Variants in PPP1R9A observed in about 807,000 individuals in gnomAD.
PPP1R9A encodes the protein neurabin-1.
Under a neutral mutation model 141.9 loss-of-function variants are expected in PPP1R9A, and 59 were observed. The observed-to-expected ratio is 0.42, with a 90% CI of 0.34 to 0.52. The LOEUF is 0.52. PPP1R9A is among the 20% of genes least tolerant of loss of function. The pLI is 0.10. For missense variants in PPP1R9A, 1,444 were observed against 1,611.9 expected, an observed-to-expected ratio of 0.90 and a Z score of 1.78; for synonymous variants, 500 against 569.7, an observed-to-expected ratio of 0.88 and a Z score of 1.74.
intron 2 of PPP1R9A, among the ~76,000 whole-genome samples, chr7:94,952,064 C>T (rs1233836641): frequency 3.9e-5 from 6 of 151,990 alleles, no homozygotes; most frequent in Non-Finnish European, 7.4e-5. Flanking sequence ...CCCATCAACC[C>T]GTCACCTACA....
intron 2 of PPP1R9A, among the ~76,000 whole-genome samples, chr7:95,038,437 A>T (rs911745954): frequency 4.6e-5 from 7 of 152,262 alleles, no homozygotes; most frequent in African/African-American, 1.7e-4. Context: ...CCTATAAGGA[A>T]CCCCACCAGT....
At chr7:94,938,323 C>T (rs1238169815) in intron 2 of PPP1R9A, among the ~76,000 whole-genome samples, 3 of 152,082 alleles carry the variant, frequency 2.0e-5, no homozygotes, top group Non-Finnish European at 4.4e-5. Flanking sequence ...TTCCATGAAA[C>T]CGGTCCCTTA....
intron 2 of PPP1R9A, among the ~76,000 whole-genome samples, chr7:94,994,074 C>T (rs566956706): frequency 9.2e-5 from 14 of 152,040 alleles, no homozygotes; most frequent in African/African-American, 3.1e-4. Context: ...TTATCTGACA[C>T]AAGAGCCCTC....
intron 3 of PPP1R9A, among the ~76,000 whole-genome samples, chr7:95,116,722 G>A (rs1446521599): frequency 6.6e-6 from 1 of 152,074 alleles, no homozygotes; most frequent in African/African-American, 2.4e-5. Flanking sequence ...ACAGACTTAA[G>A]TATGAAAAGG....
At chr7:95,146,249 G>A (rs1020856534) in intron 4 of PPP1R9A, among the ~76,000 whole-genome samples, 3 of 152,088 alleles carry the variant, frequency 2.0e-5, no homozygotes, top group Admixed American at 1.3e-4. Flanking sequence ...TCTAATGACC[G>A]GTGATGATGA....
Position 95,270,240 on chromosome 7 carries a change from C to T in PPP1R9A, c.3124+733C>T, listed in dbSNP as rs183469905. ...TGGTCTAGAAGTATATTTTCTTATA[C>T]TCAAAATTGCTGGATAAACTCTGAA... On this transcript the variant is annotated intron_variant, in intron 14 of 19. Coordinates refer to ENST00000433360, the MANE Select transcript of PPP1R9A (RefSeq NM_001166160.2). 2.2e-4 allele frequency among the ~76,000 whole-genome samples: 33 copies of T among 152,220 alleles called. No individual in the cohort carries two copies. In the East Asian group the frequency reaches 5.8e-3, roughly 27 times the overall value.
At chr7:95,105,901 T>C (rs1045148735) in intron 2 of PPP1R9A, among the ~76,000 whole-genome samples, 3 of 152,090 alleles carry the variant, frequency 2.0e-5, no homozygotes, top group Admixed American at 6.6e-5. Context: ...ACTAAGTCAG[T>C]TATGCAGATT....
At chr7:95,289,130 T>A (rs1805904544) in intron 19 of PPP1R9A, among the ~76,000 whole-genome samples, 1 of 152,142 alleles carries the variant, frequency 6.6e-6, no homozygotes, top group Non-Finnish European at 1.5e-5. Flanking sequence ...TACACACCAC[T>A]CCCAAACTGG....
At chr7:95,206,376 T>C (rs979938782) in intron 7 of PPP1R9A, among the ~76,000 whole-genome samples, 1 of 152,156 alleles carries the variant, frequency 6.6e-6, no homozygotes, top group African/African-American at 2.4e-5. Flanking sequence ...TGAGATAAAT[T>C]TGACATAGAG....
At chr7:95,154,665 C>T (rs1829294698) in intron 4 of PPP1R9A, 1 of 151,986 alleles carries the variant, frequency 6.6e-6, no homozygotes, top group African/African-American at 2.4e-5. Flanking sequence ...TATTAATACT[C>T]TTCTTAGGAA....
intron 2 of PPP1R9A, among the ~76,000 whole-genome samples, chr7:95,046,577 C>T (rs940678198): frequency 6.6e-6 from 1 of 152,098 alleles, no homozygotes; most frequent in African/African-American, 2.4e-5. Flanking sequence ...TCTTAATATG[C>T]ACATTTTCTA....
intron 5 of PPP1R9A, among the ~76,000 whole-genome samples, chr7:95,166,148 CAA>C (rs201112181): frequency 0.021 from 2,194 of 104,402 alleles, 25 homozygotes; most frequent in South Asian, 0.068. Context: ...AACTCCATTT[CAA>C]AAAAAAAAAA....
chr7:94,964,089 G>A (rs1241296203), intron 2 of PPP1R9A, among the ~76,000 whole-genome samples: 1 of 152,172 alleles, frequency 6.6e-6, no homozygotes, highest in Non-Finnish European at 1.5e-5. Flanking sequence ...GAAGTCAGGT[G>A]TGGAATTTTC....
At chr7:94,963,801 G>C (rs1252795514) in intron 2 of PPP1R9A, among the ~76,000 whole-genome samples, 1 of 152,140 alleles carries the variant, frequency 6.6e-6, no homozygotes, top group South Asian at 2.1e-4. Context: ...ACACCAGATA[G>C]TAGAGAATAA....
intron 5 of PPP1R9A, among the ~76,000 whole-genome samples, chr7:95,178,618 A>C (rs1833244738): frequency 6.6e-6 from 1 of 152,172 alleles, no homozygotes; most frequent in Non-Finnish European, 1.5e-5. Flanking sequence ...AATAAAATTG[A>C]TAGACCATTA....
intron 2 of PPP1R9A, among the ~76,000 whole-genome samples, chr7:94,931,023 A>AT (rs1173887306): frequency 2.0e-5 from 3 of 152,166 alleles, no homozygotes; most frequent in Admixed American, 2.0e-4. Context: ...CTGTAGAATG[A>AT]TTTTGCCTGG....
At chr7:95,188,731 T>C (rs927338767) in intron 5 of PPP1R9A, among the ~76,000 whole-genome samples, 5 of 151,966 alleles carry the variant, frequency 3.3e-5, no homozygotes, top group Admixed American at 6.6e-5. Context: ...CCTGAGTAGC[T>C]GGGATTACAG....
intron 1 of PPP1R9A, chr7:94,908,417 G>C (rs1584147007): frequency 6.6e-6 from 1 of 152,174 alleles, no homozygotes; most frequent in African/African-American, 2.4e-5. Context: ...GTCACAGTGG[G>C]ATCCGCCTGG....
chr7:95,005,793 A>G (rs1803510603), intron 2 of PPP1R9A, among the ~76,000 whole-genome samples: 1 of 152,190 alleles, frequency 6.6e-6, no homozygotes, highest in Admixed American at 6.5e-5. Flanking sequence ...AAGTGCTACA[A>G]ACCTTACCAC....
Sources: allele counts gnomAD v4.1 joint callset (sites outside exome capture counted in the v4.1 genomes callset), GRCh38; gene constraint gnomAD v4.1.1; transcripts MANE v1.5; gene names NCBI Gene and HGNC (gene_info 2026-07-23, HGNC 2026-07-21).